Variants in TM9SF4 observed in about 807,000 individuals in gnomAD.
TM9SF4 encodes the protein transmembrane 9 superfamily member 4, also known as dinucleotide oxidase disulfide thiol exchanger 3 superfamily member 4.
A neutral mutation model predicts 90.4 loss-of-function variants in TM9SF4; 26 were observed. The ratio of observed to expected loss-of-function variants is 0.29; its 90% CI spans 0.21 to 0.40. The LOEUF (loss-of-function observed/expected upper bound fraction) is 0.40, where lower values mean the gene tolerates loss of function less well. Ranked by LOEUF, TM9SF4 falls within the 10% of genes least tolerant of loss-of-function variation. The pLI is 1.00. For synonymous variants in TM9SF4, 293 were observed against 315.4 expected (o/e 0.93, Z 0.75); for missense variants, 549 against 834.8 (o/e 0.66, Z 4.22).
In TM9SF4 at chr20:32,150,809, C is replaced by T. The variant is rs374323189; in HGVS notation, c.1179C>T (p.Gly393=). The T allele has an allele frequency of 9.3e-6, 15 of 1,614,078 alleles. No individual in the cohort carries two copies. The highest frequency in any genetic ancestry group is 3.3e-5 in the Admixed American group (2 of 60,006). The change falls in exon 12 of 18, where the codon GGC becomes GGT. Residue 393 remains glycine, a synonymous_variant. Transcript: ENST00000398022. The stretch of plus-strand genomic sequence containing the variant: ...TGCCATTTTCCCACAGGGTGTTTGG[C>T]GGATTTTCTGCTGGCCGTCTGTACC... ...CFLFMFMGVF[G]GFSAGRLYRT...
intron 2 of TM9SF4, among the ~76,000 whole-genome samples, chr20:32,135,756 A>C (rs1234919149): frequency 6.6e-6 from 1 of 152,192 alleles, no homozygotes; most frequent in Non-Finnish European, 1.5e-5. Context: ...TGCTCCTAAA[A>C]TGCTTTTTTT....
chr20:32,122,326 G>A (rs1222101416), intron 1 of TM9SF4, among the ~76,000 whole-genome samples: 5 of 151,192 alleles, frequency 3.3e-5, no homozygotes, highest in South Asian at 2.1e-4. Context: ...CCTCCCTCCC[G>A]GACGGGGTGG....
chr20:32,139,869 A>G (rs1440047186), intron 3 of TM9SF4, among the ~76,000 whole-genome samples: 2 of 152,072 alleles, frequency 1.3e-5, no homozygotes, highest in Admixed American at 1.3e-4. Flanking sequence ...ATATTCTCCT[A>G]TTTCTTTGCT....
At chr20:32,141,238 A>C (rs1029443731) in intron 3 of TM9SF4, among the ~76,000 whole-genome samples, 1 of 151,114 alleles carries the variant, frequency 6.6e-6, no homozygotes, top group Non-Finnish European at 1.5e-5. Flanking sequence ...AAAAAAAAAA[A>C]AAAGGATGTG....
chr20:32,114,393 C>T (rs1312206884), intron 1 of TM9SF4, among the ~76,000 whole-genome samples: 1 of 152,180 alleles, frequency 6.6e-6, no homozygotes, highest in Non-Finnish European at 1.5e-5. Flanking sequence ...TGCAGTGGCA[C>T]GATCATAGTT....
intron 1 of TM9SF4, among the ~76,000 whole-genome samples, chr20:32,120,428 ATTG>A (rs2046288512): frequency 2.9e-5 from 2 of 69,028 alleles, no homozygotes; most frequent in African/African-American, 7.1e-5. Context: ...TTAGTTTTGG[ATTG>A]TTGTTGCTAG....
At chr20:32,118,531 G>T (rs1019721202) in intron 1 of TM9SF4, among the ~76,000 whole-genome samples, 12 of 152,120 alleles carry the variant, frequency 7.9e-5, no homozygotes, top group African/African-American at 2.9e-4. Context: ...GGACTCCTGG[G>T]CTCAGGTGAT....
intron 1 of TM9SF4, among the ~76,000 whole-genome samples, chr20:32,123,866 A>ATATATTTTTTTTTTTTTTTTTT: frequency 1.1e-5 from 1 of 93,980 alleles, no homozygotes; most frequent in African/African-American, 4.6e-5. Flanking sequence ...ATATATATAT[A>ATATATTTTTTTTTTTTTTTTTT]TTTTTTTTTT....
chr20:32,158,596 G>A, intron 15 of TM9SF4, 82 bp downstream of exon 15: 2 of 1,443,774 alleles, frequency 1.4e-6, no homozygotes, highest in Non-Finnish European at 1.9e-6. Flanking sequence ...GCTGCCTACT[G>A]CCTGAGAAAG....
At chr20:32,148,130 C>T (rs1013269794) in intron 9 of TM9SF4, among the ~76,000 whole-genome samples, 1 of 151,786 alleles carries the variant, frequency 6.6e-6, no homozygotes, top group African/African-American at 2.4e-5. Context: ...TAAATAAAAC[C>T]AAAAAATCTA....
chr20:32,119,538 A>ATTAAGTT (rs71336562), intron 1 of TM9SF4, among the ~76,000 whole-genome samples: 63,694 of 151,378 alleles, frequency 0.42, 13,684 homozygotes, highest in East Asian at 0.74. Context: ...TCATTTTCTT[A>ATTAAGTT]TTAAGTGTTC....
intron 1 of TM9SF4, among the ~76,000 whole-genome samples, chr20:32,111,107 A>G (rs985884578): frequency 3.3e-5 from 5 of 152,212 alleles, no homozygotes; most frequent in African/African-American, 1.2e-4. Flanking sequence ...CTGAGAACTT[A>G]CCTTTGTTTA....
intron 5 of TM9SF4, among the ~76,000 whole-genome samples, chr20:32,142,387 T>C (rs890308742): frequency 3.3e-5 from 5 of 152,386 alleles, no homozygotes; most frequent in Middle Eastern, 6.8e-3. Context: ...GATTCTCTTA[T>C]CTTTCTTTCT....
intron 1 of TM9SF4, among the ~76,000 whole-genome samples, chr20:32,122,225 CCCGGACGGGGCGG>C: frequency 1.1e-5 from 1 of 90,556 alleles, no homozygotes; most frequent in Non-Finnish European, 2.5e-5. Flanking sequence ...CCACCTCCCT[CCCGGACGGGGCGG>C]CTGGCCTGGC....
intron 8 of TM9SF4, 137 bp from the exon 9 acceptor site, chr20:32,146,648 G>T: frequency 1.4e-6 from 1 of 699,820 alleles, no homozygotes. Flanking sequence ...CCTTGAGGTG[G>T]CTGCATAGCC....
chr20:32,111,101 G>A (rs1219630279), intron 1 of TM9SF4, among the ~76,000 whole-genome samples: 1 of 152,192 alleles, frequency 6.6e-6, no homozygotes, highest in Non-Finnish European at 1.5e-5. Context: ...AGCTGACTGA[G>A]AACTTACCTT....
At chr20:32,159,826 G>A in intron 15 of TM9SF4, 166 bp from the exon 16 acceptor site, 2 of 928,680 alleles carry the variant, frequency 2.2e-6, no homozygotes, top group South Asian at 1.6e-5. Flanking sequence ...GGACAGTGTG[G>A]CTCACCCCCT....
At chr20:32,158,653 A>C in intron 15 of TM9SF4, 139 bp downstream of exon 15, 1 of 859,492 alleles carries the variant, frequency 1.2e-6, no homozygotes, top group Non-Finnish European at 1.8e-6. Context: ...TTCACCCTGA[A>C]ATTGGACAAC....
At chr20:32,123,250 T>C (rs1276121517) in intron 1 of TM9SF4, among the ~76,000 whole-genome samples, 1 of 130,510 alleles carries the variant, frequency 7.7e-6, no homozygotes, top group Non-Finnish European at 1.6e-5. Context: ...GCTTTTTTTT[T>C]TCTACGTAAT....
Sources: allele counts gnomAD v4.1 joint callset (sites outside exome capture counted in the v4.1 genomes callset), GRCh38; gene constraint gnomAD v4.1.1; transcripts MANE v1.5; gene names NCBI Gene and HGNC (gene_info 2026-07-23, HGNC 2026-07-21).